GRAP2: variants seen among roughly 807,000 people sequenced by gnomAD.
GRAP2 encodes the protein GRB2 related adaptor protein 2, also known as GRB2-related adapter protein 2.
Under a neutral mutation model 43.5 loss-of-function variants are expected in GRAP2, and 31 were observed. The ratio of observed to expected loss-of-function variants is 0.71; its 90% CI spans 0.54 to 0.96. The LOEUF (loss-of-function observed/expected upper bound fraction) is 0.96, where lower values mean the gene tolerates loss of function less well. Ranked by LOEUF, GRAP2 falls within the 40% of genes least tolerant of loss-of-function variation. GRAP2 has a pLI of 0.00. For synonymous variants in GRAP2, 156 were observed against 164.8 expected (o/e 0.95, Z 0.41); for missense variants, 371 against 424.4 (o/e 0.87, Z 1.11).
At position 39,971,134 on chromosome 22, in the gene GRAP2, G is replaced by A. The variant is rs377755526; in HGVS notation, c.*50G>A. On this transcript the variant is annotated 3_prime_UTR_variant, in exon 8 of 8. Coordinates refer to ENST00000344138, the MANE Select transcript of GRAP2 (RefSeq NM_004810.4). ...TGTCTGGAGCTGCCCACAAGAAAGA[G>A]GGCAAGGAAAAAAGGCTGGACTCCA... The A allele has an allele frequency of 1.4e-6, 2 of 1,447,026 alleles. No homozygotes were observed. Among genetic ancestry groups the A allele is most frequent in the East Asian group, 2.3e-5 (1 of 43,904 alleles). 89.6% of individuals were successfully genotyped at this position (1,447,026 alleles called of 1,614,324 possible).
chr22:39,906,049 G>A (rs1471358504), intron 1 of GRAP2, among the ~76,000 whole-genome samples: 1 of 152,118 alleles, frequency 6.6e-6, no homozygotes, highest in African/African-American at 2.4e-5. Context: ...AAAATACTTG[G>A]AACAGAAAAG....
At chr22:39,938,118 G>A (rs1020675889) in intron 1 of GRAP2, among the ~76,000 whole-genome samples, 27 of 152,256 alleles carry the variant, frequency 1.8e-4, no homozygotes, top group East Asian at 1.9e-4. Flanking sequence ...GAGGGGATAG[G>A]CCCTGCATGG....
intron 1 of GRAP2, among the ~76,000 whole-genome samples, chr22:39,945,855 AT>A (rs1053943784): frequency 5.9e-5 from 9 of 152,118 alleles, no homozygotes; most frequent in Non-Finnish European, 1.3e-4. Context: ...TGCATCTATA[AT>A]TTTTTTGTTT....
intron 1 of GRAP2, among the ~76,000 whole-genome samples, chr22:39,946,279 A>C (rs1465452153): frequency 6.6e-6 from 1 of 152,224 alleles, no homozygotes; most frequent in Non-Finnish European, 1.5e-5. Flanking sequence ...GTCTACAGCT[A>C]TCTACCAACA....
At chr22:39,903,202 T>TG (rs909106540) in intron 1 of GRAP2, among the ~76,000 whole-genome samples, 2 of 152,210 alleles carry the variant, frequency 1.3e-5, no homozygotes, top group African/African-American at 4.8e-5. Context: ...TGGATAATCC[T>TG]GGGGGCAGAT....
At chr22:39,968,384 A>ACC (rs1432358567) in intron 6 of GRAP2, 112 bp downstream of exon 6, 1 of 1,280,562 alleles carries the variant, frequency 7.8e-7, no homozygotes, top group South Asian at 1.4e-5. Context: ...AAGACCCTGG[A>ACC]CCCCCCCAAA....
At chr22:39,946,934 C>A in intron 1 of GRAP2, 159 bp from the exon 2 acceptor site, 1 of 584,144 alleles carries the variant, frequency 1.7e-6, no homozygotes, top group Non-Finnish European at 3.1e-6. Flanking sequence ...GCTCTTCCTG[C>A]AAACACAAGC....
chr22:39,940,847 C>T (rs1050781565), intron 1 of GRAP2, among the ~76,000 whole-genome samples: 1 of 152,126 alleles, frequency 6.6e-6, no homozygotes, highest in Non-Finnish European at 1.5e-5. Flanking sequence ...AAAATTGATG[C>T]GCCTTAAAAC....
chr22:39,941,694 C>T (rs926404314), intron 1 of GRAP2, among the ~76,000 whole-genome samples: 5 of 152,134 alleles, frequency 3.3e-5, no homozygotes, highest in African/African-American at 1.2e-4. Context: ...CATTCATTTA[C>T]CATCATCTAA....
the GRAP2 span, among the ~76,000 whole-genome samples, chr22:39,894,292 T>A: frequency 6.6e-6 from 1 of 151,778 alleles, no homozygotes; most frequent in Admixed American, 6.6e-5. Context: ...TTGGAAATCA[T>A]CATTCTCAGT....
At chr22:39,946,884 C>T (rs917035077) in intron 1 of GRAP2, 13 of 473,232 alleles carry the variant, frequency 2.7e-5, no homozygotes, top group South Asian at 1.0e-4. Flanking sequence ...CTGGGGATTC[C>T]GAGAATGATC....
intron 6 of GRAP2, 139 bp from the exon 7 acceptor site, chr22:39,969,272 G>A (rs368888499): frequency 3.7e-5 from 36 of 963,616 alleles, no homozygotes; most frequent in East Asian, 1.7e-4. Flanking sequence ...CCTCCTCAAC[G>A]TGGAGGGTTT....
At chr22:39,946,913 A>T (rs2066928036) in intron 1 of GRAP2, 180 bp from the exon 2 acceptor site, 4 of 565,236 alleles carry the variant, frequency 7.1e-6, no homozygotes, top group Non-Finnish European at 9.6e-6. Flanking sequence ...TAGATCCTAT[A>T]GATTCCGGCA....
chr22:39,917,703 G>A (rs2066614106), intron 1 of GRAP2, among the ~76,000 whole-genome samples: 1 of 152,160 alleles, frequency 6.6e-6, no homozygotes, highest in African/African-American at 2.4e-5. Flanking sequence ...CACAGCACCT[G>A]GGGCTGGGAT....
intron 2 of GRAP2, among the ~76,000 whole-genome samples, chr22:39,955,170 A>G (rs544390432): frequency 1.3e-5 from 2 of 152,314 alleles, no homozygotes; most frequent in South Asian, 2.1e-4. Flanking sequence ...AGTCCCGGCC[A>G]ATATGGTAAA....
chr22:39,953,276 G>A (rs1037869396), intron 2 of GRAP2, among the ~76,000 whole-genome samples: 6 of 152,016 alleles, frequency 3.9e-5, no homozygotes, highest in South Asian at 2.1e-4. Context: ...ACAGTCACCC[G>A]CATGCAATCT....
intron 1 of GRAP2, among the ~76,000 whole-genome samples, chr22:39,934,116 C>T (rs141420985): frequency 8.5e-5 from 13 of 152,242 alleles, no homozygotes; most frequent in African/African-American, 2.9e-4. Flanking sequence ...GACCCTGTTA[C>T]GGTTTCTTTC....
At chr22:39,954,476 A>G (rs544132065) in intron 2 of GRAP2, among the ~76,000 whole-genome samples, 1 of 152,166 alleles carries the variant, frequency 6.6e-6, no homozygotes, top group African/African-American at 2.4e-5. Flanking sequence ...GTTCACTGCA[A>G]CCTTGCCTCC....
chr22:39,967,329 AT>A (rs374506336), intron 5 of GRAP2, among the ~76,000 whole-genome samples: 351 of 152,366 alleles, frequency 2.3e-3, no homozygotes, highest in African/African-American at 8.0e-3. Context: ...GGACAGAGGT[AT>A]TAACTCACTA....
Sources: gnomAD v4.1 joint callset for allele counts (sites outside exome capture counted in the v4.1 genomes callset) on GRCh38, gnomAD v4.1.1 for gene constraint, MANE v1.5 for transcripts, NCBI Gene and HGNC (gene_info 2026-07-23, HGNC 2026-07-21) for gene names.